The following PCDH15 variants were observed in gnomAD, a reference collection of about 807,000 sequenced individuals.
PCDH15 encodes protocadherin related 15, also known as protocadherin-15.
Under a neutral mutation model 178.5 loss-of-function variants are expected in PCDH15, and 129 were observed. The ratio of observed to expected loss-of-function variants is 0.72; its 90% CI spans 0.63 to 0.84. The LOEUF (loss-of-function observed/expected upper bound fraction) is 0.84. Ranked by LOEUF, PCDH15 falls within the 40% of genes least tolerant of loss-of-function variation. PCDH15 has a pLI of 0.00. For missense variants in PCDH15, 2,230 were observed against 2,099.9 expected (o/e 1.06, Z -1.21); for synonymous variants, 800 against 732.0 (o/e 1.09, Z -1.50).
chr10:54,247,886 G>GAAA (rs2056123501), intron 8 of PCDH15, among the ~76,000 whole-genome samples: 2 of 141,850 alleles, frequency 1.4e-5, no homozygotes, highest in African/African-American at 5.2e-5. Flanking sequence ...AAAGAAATAT[G>GAAA]TATATATATA....
intron 3 of PCDH15, among the ~76,000 whole-genome samples, chr10:54,492,185 G>A (rs114968678): frequency 6.7e-4 from 102 of 152,248 alleles, no homozygotes; most frequent in African/African-American, 2.4e-3. Context: ...ATGGCTCCCT[G>A]AATAAAAGAG....
chr10:54,536,846 G>C (rs1451368718), intron 2 of PCDH15, among the ~76,000 whole-genome samples: 2 of 152,086 alleles, frequency 1.3e-5, no homozygotes, highest in Admixed American at 1.3e-4. Context: ...TTTTATGGCT[G>C]CATAGAATTC....
intron 21 of PCDH15, among the ~76,000 whole-genome samples, chr10:53,984,342 G>T (rs1380573896): frequency 6.6e-6 from 1 of 151,628 alleles, no homozygotes; most frequent in Non-Finnish European, 1.5e-5. Context: ...AGTAGAGACG[G>T]AGTTTTACCA....
chr10:54,737,667 G>C (rs1003791058), intron 1 of PCDH15, among the ~76,000 whole-genome samples: 2 of 151,604 alleles, frequency 1.3e-5, no homozygotes, highest in Non-Finnish European at 2.9e-5. Context: ...GCATAAATTT[G>C]ATGACATTTA....
chr10:54,152,702 GTGTC>G (rs990089518), intron 14 of PCDH15, among the ~76,000 whole-genome samples: 1 of 151,864 alleles, frequency 6.6e-6, no homozygotes, highest in Non-Finnish European at 1.5e-5. Context: ...GTGTGTGTGT[GTGTC>G]TGTGTGCGAG....
At chr10:53,843,160 A>G (rs1393766750) in intron 28 of PCDH15, among the ~76,000 whole-genome samples, 1 of 152,186 alleles carries the variant, frequency 6.6e-6, no homozygotes, top group Non-Finnish European at 1.5e-5. Flanking sequence ...CTTCACTTTG[A>G]GCATTTTTTT....
At chr10:54,170,131 G>A (rs10825251) in intron 13 of PCDH15, among the ~76,000 whole-genome samples, 65,376 of 99,542 alleles carry the variant, frequency 0.66, 23,713 homozygotes, top group Middle Eastern at 0.75. Flanking sequence ...AGCTTCACAG[G>A]CAGCCCCCAT....
chr10:54,704,016 G>A (rs903087319), intron 1 of PCDH15, among the ~76,000 whole-genome samples: 5 of 151,972 alleles, frequency 3.3e-5, no homozygotes, highest in African/African-American at 1.2e-4. Flanking sequence ...ACAATTCAGT[G>A]TTCAACAAAT....
At chr10:53,864,779 G>A (rs1303290020) in intron 27 of PCDH15, among the ~76,000 whole-genome samples, 1 of 151,860 alleles carries the variant, frequency 6.6e-6, no homozygotes, top group East Asian at 1.9e-4. Flanking sequence ...GGGAGAGTCC[G>A]TCTCAAAAAT....
In PCDH15 at chr10:54,574,863, C is replaced by T. The variant is rs376212789; in HGVS notation, c.92-46986G>A. Among the ~76,000 whole-genome samples the T allele has an allele frequency of 4.4e-3, 631 of 141,828 alleles. 5 individuals carry two copies. The highest frequency in any genetic ancestry group is 0.015 in the African/African-American group (580 of 38,612). 93.0% of individuals were successfully genotyped at this position (141,828 alleles called of 152,430 possible). ...GACACATGCACACGTATGTTTATTG[C>T]GGCATTATTCACAATAGCAAAGACT... is the stretch of plus-strand genomic sequence containing the variant. On this transcript the variant is annotated intron_variant, in intron 2 of 37. Transcript: ENST00000644397.
chr10:55,165,849 T>A (rs72801673), intron 2 of PCDH15, among the ~76,000 whole-genome samples: 17,389 of 152,110 alleles, frequency 0.11, 1,407 homozygotes, highest in Non-Finnish European at 0.17. Flanking sequence ...ATAAATTTTA[T>A]TCATTACTAC....
chr10:55,391,077 G>A (rs1157416527), intron 2 of PCDH15, among the ~76,000 whole-genome samples: 1 of 152,164 alleles, frequency 6.6e-6, no homozygotes, highest in Non-Finnish European at 1.5e-5. Flanking sequence ...AGCTATGAAA[G>A]TCCTAGAGGG....
intron 2 of PCDH15, among the ~76,000 whole-genome samples, chr10:55,117,890 G>A (rs1470520560): frequency 6.6e-6 from 1 of 152,140 alleles, no homozygotes; most frequent in African/African-American, 2.4e-5. Context: ...TAAGCGGAAA[G>A]AGAAAATCAC....
chr10:54,544,412 GAT>G (rs2085607667), intron 2 of PCDH15, among the ~76,000 whole-genome samples: 2 of 152,048 alleles, frequency 1.3e-5, no homozygotes, highest in South Asian at 4.1e-4. Context: ...TGAAGTTTTT[GAT>G]AGTTTGTTAT....
At chr10:54,505,759 A>G (rs766872389) in intron 3 of PCDH15, among the ~76,000 whole-genome samples, 1 of 151,946 alleles carries the variant, frequency 6.6e-6, no homozygotes, top group Non-Finnish European at 1.5e-5. Flanking sequence ...ACAAAACTGC[A>G]CGTTCTGCAC....
chr10:54,700,010 C>T (rs2095287275), intron 1 of PCDH15, among the ~76,000 whole-genome samples: 1 of 152,082 alleles, frequency 6.6e-6, no homozygotes. Flanking sequence ...CTCTCCATTG[C>T]AGCAGGTTCC....
chr10:53,822,767 C>A (rs780282183), intron 32 of PCDH15: 1 of 1,613,930 alleles, frequency 6.2e-7, no homozygotes, highest in South Asian at 1.1e-5. Flanking sequence ...AGAGAGATTT[C>A]AACTGTTCTG....
At chr10:53,936,455 A>G (rs374366968) in intron 25 of PCDH15, among the ~76,000 whole-genome samples, 3 of 152,166 alleles carry the variant, frequency 2.0e-5, no homozygotes, top group Admixed American at 6.5e-5. Context: ...AAATAATGCA[A>G]TAGTGGGTAG....
In PCDH15 at chr10:53,969,771, G is replaced by A. The variant is rs1312070801; in HGVS notation, c.2869-7879C>T. 3.9e-5 allele frequency among the ~76,000 whole-genome samples: 6 copies of A among 152,242 alleles called. No individual in the cohort carries two copies. In the East Asian group the frequency reaches 1.2e-3, roughly 29 times the overall value. ...TCCAGCCAAACTAAGCTTCATAAGT[G>A]AAGGAGAAATAAAATCCTTTACAGA... is the stretch of plus-strand genomic sequence containing the variant. On this transcript the variant is annotated intron_variant, in intron 21 of 37. Coordinates refer to ENST00000644397, the MANE Select transcript of PCDH15 (RefSeq NM_001384140.1).
Sources: allele counts gnomAD v4.1 joint callset (sites outside exome capture counted in the v4.1 genomes callset), GRCh38; gene constraint gnomAD v4.1.1; transcripts MANE v1.5; gene names NCBI Gene and HGNC (gene_info 2026-07-23, HGNC 2026-07-21).